RSPO4: variants seen among roughly 807,000 people sequenced by gnomAD.
RSPO4 encodes the protein R-spondin 4, also known as R-spondin-4.
In RSPO4, 23 loss-of-function variants were observed where a neutral mutation model predicts 24.8. The observed-to-expected ratio is 0.93, with a 90% CI of 0.67 to 1.31. The LOEUF (loss-of-function observed/expected upper bound fraction) is 1.31, where lower values mean the gene tolerates loss of function less well. RSPO4 is among the 40% of genes most tolerant of loss of function. The pLI, the probability that RSPO4 is intolerant of heterozygous loss-of-function variation, is 0.00. For synonymous variants in RSPO4, 141 were observed against 127.4 expected, an observed-to-expected ratio of 1.11 and a Z score of -0.72; for missense variants, 333 against 316.5, an observed-to-expected ratio of 1.05 and a Z score of -0.39.
chr20:991,460 A>T (rs1985099342), intron 1 of RSPO4, among the ~76,000 whole-genome samples: 1 of 152,228 alleles, frequency 6.6e-6, no homozygotes, highest in South Asian at 2.1e-4. Flanking sequence ...CATGGGATTG[A>T]TATCTAGGTA....
At chr20:966,655 G>C (rs1984209793) in intron 3 of RSPO4, among the ~76,000 whole-genome samples, 3 of 152,198 alleles carry the variant, frequency 2.0e-5, no homozygotes, top group Middle Eastern at 3.4e-3. Flanking sequence ...TTGAGCCCAG[G>C]GGCAGCCTGG....
intron 1 of RSPO4, among the ~76,000 whole-genome samples, chr20:985,795 C>T (rs1445116059): frequency 2.6e-5 from 4 of 152,184 alleles, no homozygotes; most frequent in African/African-American, 9.7e-5. Flanking sequence ...CAGGGTAGGG[C>T]ACGGCATGCC....
In RSPO4 at chr20:987,514, G is replaced by A. The variant is rs551919752; in HGVS notation, c.79+14572C>T. On this transcript the variant is annotated intron_variant, in intron 1 of 4. Coordinates refer to ENST00000217260, the MANE Select transcript of RSPO4 (RefSeq NM_001029871.4). ...TGTAAAAGGAACACTGTCCAGGTGC[G>A]GTGGCTCACACCTGTAATCCCAGCA... Among the ~76,000 whole-genome samples the A allele has an allele frequency of 6.6e-5, 10 of 152,170 alleles. No individual in the cohort carries two copies. The East Asian group carries it at 1.4e-3, about 21-fold the overall frequency.
At position 981,148 on chromosome 20, in the gene RSPO4, C is replaced by T. The variant is rs543261229; in HGVS notation, c.80-13010G>A. On this transcript the variant is annotated intron_variant, in intron 1 of 4. Coordinates refer to ENST00000217260, the MANE Select transcript of RSPO4 (RefSeq NM_001029871.4). This position sits in a 1 kb window ranked among gnomAD's most constrained non-coding sequence, Gnocchi z 4.6. The stretch of plus-strand genomic sequence containing the variant: ...TTTAAACCCACAGCTGATGAAACCC[C>T]AGACTCATTCTACTGTGTCACACTG... 5.7e-4 allele frequency among the ~76,000 whole-genome samples: 87 copies of T among 152,294 alleles called. No individual in the cohort carries two copies. Among genetic ancestry groups the T allele is most frequent in the African/African-American group, 2.0e-3 (82 of 41,550 alleles).
intron 3 of RSPO4, among the ~76,000 whole-genome samples, chr20:966,557 T>C (rs1984204609): frequency 6.6e-6 from 1 of 152,122 alleles, no homozygotes; most frequent in Non-Finnish European, 1.5e-5. Context: ...ACCCCAGGCC[T>C]GTCCTATTCC....
At chr20:983,540 T>C (rs1984809254) in intron 1 of RSPO4, among the ~76,000 whole-genome samples, 1 of 152,176 alleles carries the variant, frequency 6.6e-6, no homozygotes, top group African/African-American at 2.4e-5. Context: ...TAAGGAACCT[T>C]TGAACCCCAG....
chr20:958,876 G>C lies in RSPO4; in HGVS notation c.*1481C>G, dbSNP rs932253166. On this transcript the variant is annotated 3_prime_UTR_variant, in exon 5 of 5. Coordinates refer to ENST00000217260, the MANE Select transcript of RSPO4 (RefSeq NM_001029871.4). ...GAGCCCTACGTGTTCAGGCCAACCA[G>C]TCACGGCAAATACAAATCCCGTTTC... The C allele has an allele frequency of 6.6e-6, 1 of 152,402 alleles. No homozygotes were observed. Among genetic ancestry groups the C allele is most frequent in the Non-Finnish European group, 1.5e-5 (1 of 68,238 alleles). The allele number at this position is 152,402 out of a possible 1,614,324, so 9.4% of individuals were successfully genotyped here.
chr20:999,771 G>A (rs899005088), intron 1 of RSPO4, among the ~76,000 whole-genome samples: 1 of 152,058 alleles, frequency 6.6e-6, no homozygotes, highest in Non-Finnish European at 1.5e-5. Flanking sequence ...GGGGCGGGGG[G>A]CAAAAGGGGC....
At chr20:993,553 G>C (rs1301420579) in intron 1 of RSPO4, among the ~76,000 whole-genome samples, 1 of 152,158 alleles carries the variant, frequency 6.6e-6, no homozygotes, top group African/African-American at 2.4e-5. Context: ...AATGTGGAAG[G>C]CCTCATCTGT....
intron 3 of RSPO4, 116 bp downstream of exon 3, chr20:967,058 C>T: frequency 9.8e-7 from 1 of 1,025,126 alleles, no homozygotes; most frequent in Non-Finnish European, 1.4e-6. Context: ...GCTGGGCCTT[C>T]CCTCACCATA....
At chr20:991,064 T>C (rs550130312) in intron 1 of RSPO4, among the ~76,000 whole-genome samples, 27 of 152,272 alleles carry the variant, frequency 1.8e-4, no homozygotes, top group African/African-American at 6.5e-4. Flanking sequence ...GGTGGTCCAA[T>C]GTTGAGGAGT....
intron 1 of RSPO4, among the ~76,000 whole-genome samples, chr20:979,209 T>C (rs925440066): frequency 6.6e-6 from 1 of 152,138 alleles, no homozygotes; most frequent in Admixed American, 6.5e-5. Flanking sequence ...ACCACTCACC[T>C]TCCCTGGCCA....
At position 958,860 on chromosome 20, in the gene RSPO4, G is replaced by A. The variant is rs553566865; in HGVS notation, c.*1497C>T. 2 of 152,454 alleles carry A rather than the reference G, an allele frequency of 1.3e-5. No individual in the cohort carries two copies. Among genetic ancestry groups the A allele is most frequent in the Non-Finnish European group, 2.9e-5 (2 of 68,168 alleles). 9.4% of individuals were successfully genotyped at this position (152,454 alleles called of 1,614,324 possible). A position where few individuals can be genotyped will look rare whatever the true frequency, so the allele number is the denominator to read the frequency against. Reference sequence around the variant, plus strand: ...TCCTGTCCCAGTCACGGAGCCCTACGTGTTCAGGCCAACCAGTCACGGCAA... The same window carrying A: ...TCCTGTCCCAGTCACGGAGCCCTACATGTTCAGGCCAACCAGTCACGGCAA... On this transcript the variant is annotated 3_prime_UTR_variant, in exon 5 of 5. Transcript: ENST00000217260.
At chr20:996,037 T>C (rs894439021) in intron 1 of RSPO4, among the ~76,000 whole-genome samples, 6 of 152,170 alleles carry the variant, frequency 3.9e-5, no homozygotes, top group South Asian at 2.1e-4. Context: ...AAAAAGGAGG[T>C]TGGCAAAAAT....
intron 3 of RSPO4, among the ~76,000 whole-genome samples, chr20:964,653 T>C (rs1230814622): frequency 2.0e-5 from 3 of 151,162 alleles, no homozygotes; most frequent in African/African-American, 7.3e-5. Flanking sequence ...AAGTTCTTCA[T>C]AGGGGGTAAT....
intron 1 of RSPO4, among the ~76,000 whole-genome samples, chr20:990,508 T>C (rs939680738): frequency 2.3e-4 from 30 of 128,250 alleles, no homozygotes; most frequent in African/African-American, 9.3e-4. Context: ...CTTCTTTCCT[T>C]CCTCCCTCCC....
At chr20:995,234 C>A (rs6056487) in intron 1 of RSPO4, among the ~76,000 whole-genome samples, 1 of 152,202 alleles carries the variant, frequency 6.6e-6, no homozygotes, top group African/African-American at 2.4e-5. Context: ...AAGTGCTACA[C>A]AAACAAGAAG....
At chr20:997,774 C>A (rs1985341326) in intron 1 of RSPO4, among the ~76,000 whole-genome samples, 1 of 152,172 alleles carries the variant, frequency 6.6e-6, no homozygotes, top group Admixed American at 6.5e-5. Context: ...CATAACAGGC[C>A]TCTGGAGTGG....
chr20:983,355 A>C (rs56261351), intron 1 of RSPO4, among the ~76,000 whole-genome samples: 1 of 152,296 alleles, frequency 6.6e-6, no homozygotes, highest in Non-Finnish European at 1.5e-5. Context: ...TTCTTAGCCA[A>C]GGGAGCCTTC....
Sources: gnomAD v4.1 joint callset for allele counts (sites outside exome capture counted in the v4.1 genomes callset) on GRCh38, gnomAD v4.1.1 for gene constraint, Gnocchi (gnomAD v3.1) non-coding constraint, MANE v1.5 for transcripts, NCBI Gene and HGNC (gene_info 2026-07-23, HGNC 2026-07-21) for gene names.